The following MSRA variants were observed in gnomAD, a reference collection of about 807,000 sequenced individuals.
MSRA encodes methionine sulfoxide reductase A, also known as mitochondrial peptide methionine sulfoxide reductase.
A neutral mutation model predicts 31.3 loss-of-function variants in MSRA; 54 were observed. The ratio of observed to expected loss-of-function variants is 1.73; its 90% CI spans 1.39 to 2.17. The LOEUF is 2.17. MSRA is among the 30% of genes most tolerant of loss of function. MSRA has a pLI of 0.00. For missense variants in MSRA, 507 were observed against 300.9 expected (o/e 1.69, Z -5.07); for synonymous variants, 169 against 116.5 (o/e 1.45, Z -2.90).
At chr8:10,213,109 A>G (rs1000488955) in intron 2 of MSRA, among the ~76,000 whole-genome samples, 1 of 152,170 alleles carries the variant, frequency 6.6e-6, no homozygotes, top group African/African-American at 2.4e-5. Flanking sequence ...ACCCTGTTGT[A>G]CTATCAAATG....
At chr8:10,160,186 C>T (rs1237502463) in intron 1 of MSRA, among the ~76,000 whole-genome samples, 1 of 152,108 alleles carries the variant, frequency 6.6e-6, no homozygotes, top group Non-Finnish European at 1.5e-5. Flanking sequence ...CATACAGCCC[C>T]AACAGGTGAT....
At chr8:10,270,718 A>G (rs1280943138) in intron 3 of MSRA, among the ~76,000 whole-genome samples, 1 of 152,262 alleles carries the variant, frequency 6.6e-6, no homozygotes, top group Non-Finnish European at 1.5e-5. Flanking sequence ...CATAACGAGT[A>G]TTGACACAAT....
chr8:10,247,841 A>G (rs1242085720), intron 3 of MSRA, among the ~76,000 whole-genome samples: 1 of 152,226 alleles, frequency 6.6e-6, no homozygotes, highest in African/African-American at 2.4e-5. Flanking sequence ...TATGATAGAA[A>G]GGTCCCTCTG....
intron 3 of MSRA, 74 bp from the exon 4 acceptor site, chr8:10,301,460 T>A: frequency 8.4e-7 from 1 of 1,191,894 alleles, no homozygotes; most frequent in Non-Finnish European, 1.2e-6. Context: ...TCTGTTGTTT[T>A]TTTTGTGAAC....
intron 5 of MSRA, among the ~76,000 whole-genome samples, chr8:10,394,571 T>A (rs1806976657): frequency 6.6e-6 from 1 of 152,222 alleles, no homozygotes; most frequent in East Asian, 1.9e-4. Flanking sequence ...TTGACAGAAT[T>A]CTCACATCCA....
chr8:10,337,601 T>C (rs568259008), intron 5 of MSRA: 11 of 657,306 alleles, frequency 1.7e-5, no homozygotes, highest in South Asian at 1.5e-4. Context: ...CTCTGGAAGT[T>C]GGTTAATTTT....
chr8:10,142,522 G>A (rs1250428284), intron 1 of MSRA, among the ~76,000 whole-genome samples: 2 of 152,350 alleles, frequency 1.3e-5, no homozygotes, highest in East Asian at 3.9e-4. Context: ...CAGAGCAGTA[G>A]CATTTCTGAC....
At chr8:10,332,244 C>G (rs559700461) in intron 5 of MSRA, among the ~76,000 whole-genome samples, 1 of 152,314 alleles carries the variant, frequency 6.6e-6, no homozygotes, top group East Asian at 1.9e-4. Flanking sequence ...TTCACCAACA[C>G]TGAAACATCA....
intron 5 of MSRA, among the ~76,000 whole-genome samples, chr8:10,419,380 T>A (rs1398295357): frequency 1.3e-5 from 2 of 151,354 alleles, no homozygotes; most frequent in South Asian, 2.1e-4. Context: ...TTGAATAAGA[T>A]CCCTAACTGC....
chr8:10,228,156 C>T (rs939462187), intron 2 of MSRA, among the ~76,000 whole-genome samples: 4 of 152,110 alleles, frequency 2.6e-5, no homozygotes, highest in Non-Finnish European at 4.4e-5. Flanking sequence ...GAGTTGAGCT[C>T]AGGATATTTC....
intron 5 of MSRA, among the ~76,000 whole-genome samples, chr8:10,406,236 G>T (rs77853206): frequency 6.6e-6 from 1 of 152,240 alleles, no homozygotes; most frequent in Non-Finnish European, 1.5e-5. Context: ...GCTGAGGGAG[G>T]TCCCTTGCAG....
intron 2 of MSRA, among the ~76,000 whole-genome samples, chr8:10,236,996 T>G (rs577367706): frequency 4.6e-5 from 7 of 152,254 alleles, no homozygotes; most frequent in African/African-American, 1.7e-4. Flanking sequence ...ACATGTTAAC[T>G]AACCCTCTAG....
At chr8:10,077,806 T>C (rs1798067965) in intron 1 of MSRA, among the ~76,000 whole-genome samples, 1 of 152,198 alleles carries the variant, frequency 6.6e-6, no homozygotes. Flanking sequence ...TTTCTTGCTA[T>C]CCATTTAGGA....
rs1432771991 is a variant in MSRA at position 10,162,599 on chromosome 8, CTG to C, written c.143-45231_143-45230del. ...ATGGGGGTCCAGGGGGCCTGTCAAA[CTG>C]TGGCACAGGGGAAACCCGTAGCTCT... On this transcript the variant is annotated intron_variant, in intron 1 of 5. Coordinates refer to ENST00000317173, the MANE Select transcript of MSRA (RefSeq NM_012331.5). Among the ~76,000 whole-genome samples, 162 of 152,310 alleles carry C rather than the reference CTG, an allele frequency of 1.1e-3. 5 individuals carry two copies. Among genetic ancestry groups the C allele is most frequent in the Admixed American group, 0.011 (161 of 15,300 alleles).
At chr8:10,217,548 T>C (rs1304531708) in intron 2 of MSRA, among the ~76,000 whole-genome samples, 1 of 152,200 alleles carries the variant, frequency 6.6e-6, no homozygotes, top group South Asian at 2.1e-4. Context: ...TGTGAAAGAT[T>C]TCAAACAAAA....
intron 1 of MSRA, among the ~76,000 whole-genome samples, chr8:10,148,878 A>T (rs959862791): frequency 6.6e-6 from 1 of 151,032 alleles, no homozygotes; most frequent in Non-Finnish European, 1.5e-5. Flanking sequence ...AAAGACATGC[A>T]GAACTGGAGA....
chr8:10,067,575 G>A (rs1340512647), intron 1 of MSRA, among the ~76,000 whole-genome samples: 1 of 152,120 alleles, frequency 6.6e-6, no homozygotes, highest in African/African-American at 2.4e-5. Flanking sequence ...GGGTTGTATG[G>A]TATATGTAGT....
intron 5 of MSRA, among the ~76,000 whole-genome samples, chr8:10,425,830 G>C (rs749994226): frequency 6.6e-6 from 1 of 152,338 alleles, no homozygotes; most frequent in East Asian, 1.9e-4. Flanking sequence ...CTTGGGATCC[G>C]ATTTTTTATT....
chr8:10,370,986 C>A (rs902382765), intron 5 of MSRA, among the ~76,000 whole-genome samples: 4 of 152,196 alleles, frequency 2.6e-5, no homozygotes, highest in African/African-American at 9.7e-5. Context: ...TCCAAGTCTG[C>A]ATGCCACAAT....
Sources: gnomAD v4.1 joint callset for allele counts (sites outside exome capture counted in the v4.1 genomes callset) on GRCh38, gnomAD v4.1.1 for gene constraint, MANE v1.5 for transcripts, NCBI Gene and HGNC (gene_info 2026-07-23, HGNC 2026-07-21) for gene names.